Variants in STX4 observed in about 807,000 individuals in gnomAD.
STX4 encodes the protein syntaxin-4.
STX4 carries 24 observed loss-of-function variants against 41.8 expected under a neutral mutation model. That is an observed-to-expected ratio of 0.57 (90% CI 0.42 to 0.81). The LOEUF (loss-of-function observed/expected upper bound fraction) is 0.81. Ranked by LOEUF, STX4 falls within the 30% of genes least tolerant of loss-of-function variation. STX4 has a pLI of 0.00. For synonymous variants in STX4, 158 were observed against 156.4 expected (o/e 1.01, Z -0.08); for missense variants, 316 against 389.9 (o/e 0.81, Z 1.60).
Position 31,039,564 on chromosome 16 carries a change from G to T in STX4, c.726G>T (p.Glu242Asp). The T allele has an allele frequency of 1.2e-6, 2 of 1,614,144 alleles. No homozygotes were observed. The highest frequency in any genetic ancestry group is 1.7e-6 in the Non-Finnish European group (2 of 1,180,026). Reference sequence around the variant, plus strand: ...AGGGGGAGATGATCAATCGGATTGAGAAGAACATCCTGAGCTCAGCGGACT... The same window carrying T: ...AGGGGGAGATGATCAATCGGATTGATAAGAACATCCTGAGCTCAGCGGACT... ...EMQGEMINRI[E>D]KNILSSADYV... is the part of the protein sequence containing the mutation. The change falls in exon 9 of 11, where the codon GAG becomes GAT. Residue 242 changes from glutamate (E) to aspartate (D), a missense_variant. Coordinates refer to ENST00000313843, the MANE Select transcript of STX4 (RefSeq NM_004604.5). The surrounding 1 kb of genome is among the most constrained non-coding windows in gnomAD (Gnocchi z 4.1).
chr16:31,034,788 G>C, intron 4 of STX4, 182 bp from the exon 5 acceptor site: 1 of 689,770 alleles, frequency 1.4e-6, no homozygotes, highest in South Asian at 2.4e-5. Flanking sequence ...TCTTTGGGCA[G>C]GGAGATGGAG....
chr16:31,038,931 A>C, intron 8 of STX4: 1 of 383,566 alleles, frequency 2.6e-6, no homozygotes, highest in East Asian at 5.1e-5. Flanking sequence ...AACAGCATCC[A>C]CCCTTATACC....
At chr16:31,033,535 C>G, upstream of STX4, 1 of 1,549,352 alleles carries the variant, frequency 6.5e-7, no homozygotes. The surrounding 1 kb of genome is among the most constrained non-coding windows in gnomAD (Gnocchi z 5.5). Context: ...GCGCATGCCC[C>G]GAATTTATCA....
chr16:31,035,121 C>T (rs1278707213), intron 5 of STX4, 81 bp downstream of exon 5: 3 of 1,138,632 alleles, frequency 2.6e-6, no homozygotes, highest in Non-Finnish European at 3.7e-6. Flanking sequence ...GAAGGAAGGG[C>T]CTGCAGAGAT....
chr16:31,033,708 G>T lies in STX4; in HGVS notation c.-98G>T. On this transcript the variant is annotated 5_prime_UTR_variant, in exon 1 of 11. Transcript: ENST00000313843. The surrounding 1 kb of genome is among the most constrained non-coding windows in gnomAD (Gnocchi z 5.5). ...CTCGTGGGGGTGTTGGGGTCCGCAG[G>T]GGGAGGGAGGGGAGTGTCAGAGTGT... is the stretch of plus-strand genomic sequence containing the variant. The T allele has an allele frequency of 2.1e-6, 3 of 1,446,628 alleles. No homozygotes were observed. The South Asian group carries it at 4.4e-5, about 21-fold the overall frequency. 89.6% of individuals were successfully genotyped at this position (1,446,628 alleles called of 1,614,324 possible).
At chr16:31,034,744 TTTACTTACACAG>T in intron 4 of STX4, 2 of 695,268 alleles carry the variant, frequency 2.9e-6, no homozygotes, top group Non-Finnish European at 4.6e-6. Context: ...AATGAAACCA[TTTACTTACACAG>T]TTATCGCTGC....
rs1241057893 is a variant in STX4, at chr16:31,039,333, A to G, written c.703-208A>G. The G allele has an allele frequency of 7.2e-6, 4 of 558,756 alleles. No homozygotes were observed. Among genetic ancestry groups the G allele is most frequent in the African/African-American group, 5.7e-5 (3 of 53,056 alleles). 34.6% of individuals were successfully genotyped at this position (558,756 alleles called of 1,614,324 possible). On this transcript the variant is annotated intron_variant, in intron 8 of 10. Coordinates refer to ENST00000313843, the MANE Select transcript of STX4 (RefSeq NM_004604.5). The surrounding 1 kb of genome is among the most constrained non-coding windows in gnomAD (Gnocchi z 4.1). Reference sequence around the variant, plus strand: ...AGCTACCACTGCAGATAGAGGTTGTATGGGATAAGTGAGCAGGGGACAAGG... The same window carrying G: ...AGCTACCACTGCAGATAGAGGTTGTGTGGGATAAGTGAGCAGGGGACAAGG...
chr16:31,036,307 G>A (rs745803631), intron 5 of STX4, among the ~76,000 whole-genome samples: 3 of 152,076 alleles, frequency 2.0e-5, no homozygotes, highest in Non-Finnish European at 4.4e-5. Flanking sequence ...CATATTTAAG[G>A]CCTCAGAAGA....
Position 31,034,006 on chromosome 16 carries a change from C to T in STX4, c.31-7C>T. The T allele has an allele frequency of 6.3e-7, 1 of 1,584,164 alleles. No individual in the cohort carries two copies. The highest frequency in any genetic ancestry group is 8.6e-7 in the Non-Finnish European group (1 of 1,162,296). The stretch of plus-strand genomic sequence containing the variant: ...AACGGTGGTGCCAATGACTCCGGGC[C>T]TGGCAGGGGGATGACAGCTCGGACG... On this transcript the variant is annotated splice_region_variant and splice_polypyrimidine_tract_variant and intron_variant, in intron 1 of 10. Coordinates refer to ENST00000313843, the MANE Select transcript of STX4 (RefSeq NM_004604.5).
At chr16:31,037,099 T>C (rs569316506) in intron 5 of STX4, among the ~76,000 whole-genome samples, 49 of 139,780 alleles carry the variant, frequency 3.5e-4, no homozygotes, top group Non-Finnish European at 6.8e-4. Context: ...GGTCTCACTC[T>C]GTTGCCCAGG....
In STX4 at chr16:31,034,092, C is replaced by G. The variant is rs754721884; in HGVS notation, c.110C>G (p.Pro37Arg). The change falls in exon 2 of 11, where the codon CCG becomes CGG. Residue 37 changes from proline (P) to arginine (R), a missense_variant. Coordinates refer to ENST00000313843, the MANE Select transcript of STX4 (RefSeq NM_004604.5). ...VHPGTARLGS[P>R]DEEFFHKVRT... ...CCGGGCACGGCACGGCTGGGGAGCC[C>G]GGACGAGGAGTTCTTCCACAAGGTA... The G allele has an allele frequency of 1.2e-6, 2 of 1,609,210 alleles. No homozygotes were observed. The highest frequency in any genetic ancestry group is 2.2e-5 in the East Asian group (1 of 44,792).
At chr16:31,033,369 C>T (rs2056769206), upstream of STX4, 3 of 951,774 alleles carry the variant, frequency 3.2e-6, no homozygotes, top group South Asian at 1.4e-5. The surrounding 1 kb of genome is among the most constrained non-coding windows in gnomAD (Gnocchi z 5.5). Context: ...ATGACGTATT[C>T]CTACCCCTTT....
Position 31,033,913 on chromosome 16 carries a change from G to C in STX4, c.30+78G>C. The stretch of plus-strand genomic sequence containing the variant: ...GACTTCTGGTCTTCGGGATAGGGAG[G>C]GGTGGCTGATGGCCAGGAAGGAAAG... On this transcript the variant is annotated intron_variant, in intron 1 of 10. Transcript: ENST00000313843. The surrounding 1 kb of genome is among the most constrained non-coding windows in gnomAD (Gnocchi z 5.5). 1 of 1,457,676 alleles carries C rather than the reference G, an allele frequency of 6.9e-7. No individual in the cohort carries two copies. Among genetic ancestry groups the C allele is most frequent in the Non-Finnish European group, 9.1e-7 (1 of 1,101,018 alleles). 90.3% of individuals were successfully genotyped at this position (1,457,676 alleles called of 1,614,324 possible).
At position 31,033,654 on chromosome 16, in the gene STX4, G is replaced by A; in HGVS notation, c.-152G>A. On this transcript the variant is annotated 5_prime_UTR_variant, in exon 1 of 11. Transcript: ENST00000313843. This position sits in a 1 kb window ranked among gnomAD's most constrained non-coding sequence, Gnocchi z 5.5. ...GGTCGGCGCCTTCCCATTGACTGTG[G>A]GCGGTGCAAGGGACGGAGCCTCTGG... The A allele has an allele frequency of 3.4e-6, 5 of 1,467,750 alleles. No homozygotes were observed. The highest frequency in any genetic ancestry group is 4.5e-6 in the Non-Finnish European group (5 of 1,112,016). 90.9% of individuals were successfully genotyped at this position (1,467,750 alleles called of 1,614,324 possible).
At position 31,039,418 on chromosome 16, in the gene STX4, C is replaced by A; in HGVS notation, c.703-123C>A. The A allele has an allele frequency of 1.1e-6, 1 of 928,392 alleles. No individual in the cohort carries two copies. The highest frequency in any genetic ancestry group is 1.6e-6 in the Non-Finnish European group (1 of 614,158). 57.5% of individuals were successfully genotyped at this position (928,392 alleles called of 1,614,324 possible). ...CAAGGAGTCTGAACTTTTGTCAGATCAAGTCTTGCCCTTGTCTTTGTTAGT... is the reference window on the plus strand; with the variant it reads ...CAAGGAGTCTGAACTTTTGTCAGATAAAGTCTTGCCCTTGTCTTTGTTAGT... On this transcript the variant is annotated intron_variant, in intron 8 of 10. Transcript: ENST00000313843. This position sits in a 1 kb window ranked among gnomAD's most constrained non-coding sequence, Gnocchi z 4.1.
At chr16:31,033,440 T>G, upstream of STX4, 1 of 1,526,194 alleles carries the variant, frequency 6.6e-7, no homozygotes, top group Non-Finnish European at 8.9e-7. The surrounding 1 kb of genome is among the most constrained non-coding windows in gnomAD (Gnocchi z 5.5). Context: ...AGTTCTCGCG[T>G]CCAGGCATCT....
At chr16:31,034,205 C>T in intron 2 of STX4, 21 bp from the exon 3 acceptor site, 1 of 1,614,044 alleles carries the variant, frequency 6.2e-7, no homozygotes, top group East Asian at 2.2e-5. Context: ...CTCTTTCAGC[C>T]CTCTCGGTCA....
chr16:31,033,191 A>C, upstream of STX4: 2 of 600,566 alleles, frequency 3.3e-6, no homozygotes, highest in South Asian at 1.5e-5. This position sits in a 1 kb window ranked among gnomAD's most constrained non-coding sequence, Gnocchi z 5.5. Context: ...GGTGCCGGGG[A>C]CGTCGTGATG....
chr16:31,035,210 G>A (rs536990281), intron 5 of STX4, among the ~76,000 whole-genome samples, 170 bp downstream of exon 5: 74 of 152,336 alleles, frequency 4.9e-4, no homozygotes, highest in African/African-American at 1.7e-3. Context: ...AGGTCAGGAA[G>A]CCAGGTCTCC....
Sources: allele counts gnomAD v4.1 joint callset (sites outside exome capture counted in the v4.1 genomes callset), GRCh38; gene constraint gnomAD v4.1.1; non-coding constraint Gnocchi (gnomAD v3.1); transcripts MANE v1.5; gene names NCBI Gene and HGNC (gene_info 2026-07-23, HGNC 2026-07-21).